The following TBC1D5 variants were observed in gnomAD, a reference collection of about 807,000 sequenced individuals.
TBC1D5 encodes TBC1 domain family, member 5.
Under a neutral mutation model 100.3 loss-of-function variants are expected in TBC1D5, and 75 were observed. The ratio of observed to expected loss-of-function variants is 0.75; its 90% CI spans 0.62 to 0.91. The LOEUF (loss-of-function observed/expected upper bound fraction) is 0.91, where lower values mean the gene tolerates loss of function less well. Ranked by LOEUF, TBC1D5 falls within the 40% of genes least tolerant of loss-of-function variation. The pLI is 0.00. For missense variants in TBC1D5, 910 were observed against 942.4 expected, an observed-to-expected ratio of 0.97 and a Z score of 0.45; for synonymous variants, 323 against 325.6, an observed-to-expected ratio of 0.99 and a Z score of 0.09.
chr3:17,160,608 A>G (rs1024828138), exon 22 of TBC1D5: 1 of 216,820 alleles, frequency 4.6e-6, no homozygotes, highest in African/African-American at 2.2e-5. Flanking sequence ...GGTGCCACAC[A>G]TTCTTAGCTG....
chr3:17,364,347 T>G (rs1012357425), intron 13 of TBC1D5, among the ~76,000 whole-genome samples: 1 of 152,146 alleles, frequency 6.6e-6, no homozygotes, highest in Non-Finnish European at 1.5e-5. Context: ...TTGCTGAGTG[T>G]TTACCACATG....
At chr3:17,373,802 A>C (rs2092583175) in intron 12 of TBC1D5, among the ~76,000 whole-genome samples, 1 of 152,138 alleles carries the variant, frequency 6.6e-6, no homozygotes, top group Non-Finnish European at 1.5e-5. Flanking sequence ...AGAATCAGCA[A>C]GTCCATAGAG....
chr3:17,695,713 T>C (rs1453610843), intron 1 of TBC1D5, among the ~76,000 whole-genome samples: 2 of 152,114 alleles, frequency 1.3e-5, no homozygotes, highest in Admixed American at 6.6e-5. Context: ...AACAAAGATA[T>C]CTAGGACTTG....
At chr3:17,708,840 G>A (rs577119578) in intron 1 of TBC1D5, among the ~76,000 whole-genome samples, 197 of 152,262 alleles carry the variant, frequency 1.3e-3, no homozygotes, top group Admixed American at 2.0e-3. Flanking sequence ...GCCAAAATTT[G>A]ATAATGTATG....
chr3:17,335,677 T>C (rs2087628301), intron 13 of TBC1D5, among the ~76,000 whole-genome samples: 1 of 152,124 alleles, frequency 6.6e-6, no homozygotes. Context: ...GAAACAATGA[T>C]CTACGTTTTA....
At chr3:17,182,098 T>C (rs2068517788) in intron 19 of TBC1D5, among the ~76,000 whole-genome samples, 1 of 152,220 alleles carries the variant, frequency 6.6e-6, no homozygotes, top group South Asian at 2.1e-4. Context: ...ATCTTCGTGT[T>C]TTCCTTGAAT....
At chr3:17,241,860 T>G (rs1181667197) in intron 16 of TBC1D5, among the ~76,000 whole-genome samples, 1 of 152,202 alleles carries the variant, frequency 6.6e-6, no homozygotes, top group East Asian at 1.9e-4. Flanking sequence ...AGGATATAAA[T>G]GTTTAAAAAA....
intron 1 of TBC1D5, among the ~76,000 whole-genome samples, chr3:17,730,233 C>G (rs748091822): frequency 1.3e-5 from 2 of 151,998 alleles, no homozygotes; most frequent in African/African-American, 2.4e-5. Context: ...GTTTGTGTAG[C>G]AAATTAAGTA....
At chr3:17,457,485 T>C (rs1438712911) in intron 3 of TBC1D5, among the ~76,000 whole-genome samples, 1 of 152,246 alleles carries the variant, frequency 6.6e-6, no homozygotes, top group East Asian at 1.9e-4. Flanking sequence ...TTTCTGTTAC[T>C]ATGTTTTACA....
At chr3:17,162,630 G>T (rs1027280316) in intron 21 of TBC1D5, among the ~76,000 whole-genome samples, 2 of 151,530 alleles carry the variant, frequency 1.3e-5, no homozygotes, top group African/African-American at 4.9e-5. Context: ...CACAAGCAAA[G>T]AAAAACATAG....
intron 13 of TBC1D5, among the ~76,000 whole-genome samples, chr3:17,329,088 G>A (rs940447943): frequency 1.3e-5 from 2 of 152,182 alleles, no homozygotes; most frequent in Non-Finnish European, 2.9e-5. Flanking sequence ...ACCACCTCAT[G>A]TCACTGAAAG....
chr3:17,557,781 T>G (rs1415671510), intron 2 of TBC1D5, among the ~76,000 whole-genome samples: 1 of 152,098 alleles, frequency 6.6e-6, no homozygotes, highest in Non-Finnish European at 1.5e-5. Flanking sequence ...ATGTTAAAAA[T>G]TAACATTTTA....
intron 1 of TBC1D5, among the ~76,000 whole-genome samples, chr3:17,704,923 G>A (rs1417504637): frequency 2.0e-5 from 2 of 100,778 alleles, no homozygotes; most frequent in South Asian, 4.3e-4. Context: ...CGGGCAGAGG[G>A]GCTCCTCACT....
chr3:17,725,338 A>T (rs1369717015), intron 1 of TBC1D5, among the ~76,000 whole-genome samples: 1 of 152,160 alleles, frequency 6.6e-6, no homozygotes, highest in Admixed American at 6.6e-5. Context: ...ATGAACTGCA[A>T]ATCCAAGAGA....
intron 4 of TBC1D5, among the ~76,000 whole-genome samples, chr3:17,407,110 C>T (rs1401978267): frequency 6.6e-6 from 1 of 152,050 alleles, no homozygotes; most frequent in African/African-American, 2.4e-5. Flanking sequence ...ATTAAAAAGC[C>T]TCACTGTAAA....
intron 13 of TBC1D5, among the ~76,000 whole-genome samples, chr3:17,364,118 C>T (rs1355195983): frequency 1.3e-5 from 2 of 151,688 alleles, no homozygotes; most frequent in African/African-American, 4.8e-5. Flanking sequence ...CAAAATCTAT[C>T]GTCATTGGAA....
rs1325132831 is a variant in TBC1D5, at chr3:17,269,797, CA to C, written c.1246-11207del. On this transcript the variant is annotated intron_variant, in intron 15 of 21. Coordinates refer to ENST00000253692, the Ensembl canonical transcript of TBC1D5. ...CACTTAGGACTATGGCCTCCAGCTA[CA>C]TCTATGTTGCTGTAAAGGACACAGT... Among the ~76,000 whole-genome samples, 454 of 152,252 alleles carry C rather than the reference CA, an allele frequency of 3.0e-3. 4 individuals are homozygous for C. Among genetic ancestry groups the C allele is most frequent in the African/African-American group, 0.01 (430 of 41,534 alleles).
chr3:17,706,371 T>A, intron 1 of TBC1D5: 1 of 1,163,866 alleles, frequency 8.6e-7, no homozygotes, highest in Non-Finnish European at 1.2e-6. Context: ...AAAGCTAATC[T>A]AATAAATTCC....
At chr3:17,405,037 C>T (rs1169344544) in intron 5 of TBC1D5, 76 bp from the exon 6 acceptor site, 3 of 794,980 alleles carry the variant, frequency 3.8e-6, no homozygotes, top group Non-Finnish European at 6.0e-6. Context: ...ACTGAACCAC[C>T]TGAACATTGA....
Sources: gnomAD v4.1 joint callset for allele counts (sites outside exome capture counted in the v4.1 genomes callset) on GRCh38, gnomAD v4.1.1 for gene constraint, MANE v1.5 for transcripts, NCBI Gene and HGNC (gene_info 2026-07-23, HGNC 2026-07-21) for gene names.